The following GNA14 variants were observed in gnomAD, a reference collection of about 807,000 sequenced individuals.
GNA14 encodes the protein G protein subunit alpha 14.
A neutral mutation model predicts 42.0 loss-of-function variants in GNA14; 50 were observed. The observed-to-expected ratio is 1.19, with a 90% CI of 0.95 to 1.51. GNA14 has a LOEUF of 1.51. Among genes scored for constraint, GNA14 ranks in the 40% most tolerant of loss-of-function variants. GNA14 has a pLI of 0.00. For missense variants in GNA14, 473 were observed against 446.2 expected (o/e 1.06, Z -0.54); for synonymous variants, 173 against 163.1 (o/e 1.06, Z -0.46).
chr9:77,447,908 G>T (rs1308905371), intron 2 of GNA14, among the ~76,000 whole-genome samples: 2 of 152,216 alleles, frequency 1.3e-5, no homozygotes, highest in Admixed American at 1.3e-4. Context: ...TGTTCAGGTG[G>T]AAGGTGGAAT....
intron 1 of GNA14, among the ~76,000 whole-genome samples, chr9:77,643,293 G>GA (rs1824298399): frequency 6.7e-6 from 1 of 149,692 alleles, no homozygotes; most frequent in African/African-American, 2.5e-5. Context: ...AGGCTGGAGT[G>GA]CAATGGTGCT....
intron 2 of GNA14, among the ~76,000 whole-genome samples, chr9:77,434,727 C>T (rs980805996): frequency 2.0e-5 from 3 of 152,010 alleles, no homozygotes; most frequent in Non-Finnish European, 4.4e-5. Flanking sequence ...TGCTTAGCTC[C>T]GTGGAGAGAG....
intron 2 of GNA14, among the ~76,000 whole-genome samples, chr9:77,471,618 T>C (rs990000): frequency 0.19 from 29,488 of 152,076 alleles, 3,037 homozygotes; most frequent in East Asian, 0.33. Flanking sequence ...GCTTGCTACA[T>C]GTGTTTGGGG....
intron 1 of GNA14, among the ~76,000 whole-genome samples, chr9:77,549,548 T>A (rs1837764780): frequency 6.6e-6 from 1 of 152,108 alleles, no homozygotes; most frequent in African/African-American, 2.4e-5. Context: ...CCAGCTTTGG[T>A]CTCCCCCACA....
chr9:77,482,395 C>G (rs1327237465), intron 2 of GNA14, among the ~76,000 whole-genome samples: 1 of 152,224 alleles, frequency 6.6e-6, no homozygotes, highest in Admixed American at 6.5e-5. Context: ...CCACTCTCTT[C>G]TGGCTTGTAG....
intron 1 of GNA14, among the ~76,000 whole-genome samples, chr9:77,607,745 G>A (rs957494016): frequency 6.6e-6 from 1 of 152,142 alleles, no homozygotes; most frequent in Non-Finnish European, 1.5e-5. Flanking sequence ...CAACAATTTA[G>A]TTCCTGGTTA....
At chr9:77,553,087 T>C (rs1177979872) in intron 1 of GNA14, among the ~76,000 whole-genome samples, 2 of 152,178 alleles carry the variant, frequency 1.3e-5, no homozygotes, top group East Asian at 3.9e-4. Context: ...AAACTAGCCT[T>C]ATGGAAGCTA....
intron 1 of GNA14, among the ~76,000 whole-genome samples, chr9:77,550,035 T>A (rs1837770615): frequency 1.3e-5 from 2 of 152,034 alleles, no homozygotes; most frequent in African/African-American, 4.8e-5. Flanking sequence ...CAAGGGGGTG[T>A]TGACAAAGCC....
chr9:77,619,922 T>G (rs1823894481), intron 1 of GNA14, among the ~76,000 whole-genome samples: 1 of 152,190 alleles, frequency 6.6e-6, no homozygotes, highest in Admixed American at 6.5e-5. Flanking sequence ...AAACCTGTTT[T>G]GATACACTGG....
chr9:77,573,180 G>T (rs1300587320), intron 1 of GNA14, among the ~76,000 whole-genome samples: 1 of 152,154 alleles, frequency 6.6e-6, no homozygotes, highest in Non-Finnish European at 1.5e-5. Flanking sequence ...AGGGTGCGGT[G>T]GCTCACGCGT....
At chr9:77,608,692 C>T (rs2225741) in intron 1 of GNA14, among the ~76,000 whole-genome samples, 21,244 of 149,592 alleles carry the variant, frequency 0.14, 2,749 homozygotes, top group African/African-American at 0.35. Context: ...CCAAATGGCC[C>T]CATCATCCTA....
chr9:77,433,962 G>A (rs1306216656), intron 3 of GNA14, among the ~76,000 whole-genome samples: 1 of 152,150 alleles, frequency 6.6e-6, no homozygotes, highest in Non-Finnish European at 1.5e-5. Flanking sequence ...GTCTTCTGAT[G>A]GGGAAACCAG....
chr9:77,595,837 G>A (rs1823457541), intron 1 of GNA14, among the ~76,000 whole-genome samples: 1 of 152,034 alleles, frequency 6.6e-6, no homozygotes, highest in African/African-American at 2.4e-5. Flanking sequence ...AGGCAGTTAG[G>A]GATGTTTTCA....
intron 2 of GNA14, among the ~76,000 whole-genome samples, chr9:77,437,857 A>T (rs1438211643): frequency 1.3e-5 from 2 of 152,186 alleles, no homozygotes; most frequent in Non-Finnish European, 2.9e-5. Flanking sequence ...ATCATCCACA[A>T]AGTTAAGTAA....
chr9:77,518,548 C>A (rs150956646), intron 2 of GNA14, among the ~76,000 whole-genome samples: 1 of 152,228 alleles, frequency 6.6e-6, no homozygotes, highest in Non-Finnish European at 1.5e-5. Flanking sequence ...CATCTTTCAA[C>A]CACTTCTACT....
At chr9:77,479,501 T>C (rs949718973) in intron 2 of GNA14, among the ~76,000 whole-genome samples, 32 of 152,344 alleles carry the variant, frequency 2.1e-4, no homozygotes, top group Admixed American at 2.1e-3. Flanking sequence ...GACTTGGTGA[T>C]GCGGGCTCTT....
At chr9:77,646,737 G>A (rs998915832) in intron 1 of GNA14, among the ~76,000 whole-genome samples, 9 of 152,246 alleles carry the variant, frequency 5.9e-5, no homozygotes, top group Admixed American at 5.2e-4. Context: ...TGGTCTGAAA[G>A]GTAGAAAAGG....
In GNA14 at chr9:77,647,750, T is replaced by C. The variant is rs947340795; in HGVS notation, c.44A>G (p.Gln15Arg). The C allele has an allele frequency of 3.1e-6, 5 of 1,610,164 alleles. No homozygotes were observed. The highest frequency in any genetic ancestry group is 2.2e-5 in the East Asian group (1 of 44,772). The change falls in exon 1 of 7, where the codon CAG becomes CGG. Residue 15 changes from glutamine to arginine, a missense_variant. Physicochemically the swap from Gln to Arg is conservative, Grantham distance 43. Coordinates refer to ENST00000341700, the MANE Select transcript of GNA14 (RefSeq NM_004297.4). The stretch of plus-strand genomic sequence containing the variant: ...TCGCTCGATCTCCGCGCTGATGCGC[T>C]GCGACTCCTTCTCCTCCGCGGACAG... ...CCLSAEEKES[Q>R]RISAEIERQL...
chr9:77,503,382 C>T (rs1359166856), intron 2 of GNA14, among the ~76,000 whole-genome samples: 12 of 152,068 alleles, frequency 7.9e-5, no homozygotes, highest in Admixed American at 7.9e-4. Flanking sequence ...GAGAGGCACC[C>T]AATAAATGCT....
Sources: gnomAD v4.1 joint callset for allele counts (sites outside exome capture counted in the v4.1 genomes callset) on GRCh38, gnomAD v4.1.1 for gene constraint, MANE v1.5 for transcripts, NCBI Gene and HGNC (gene_info 2026-07-23, HGNC 2026-07-21) for gene names.